TLX3: variants seen among roughly 807,000 people sequenced by gnomAD.
TLX3 encodes T-cell leukemia homeobox protein 3.
Under a neutral mutation model 19.6 loss-of-function variants are expected in TLX3, and 11 were observed. The observed-to-expected ratio is 0.56, with a 90% confidence interval of 0.35 to 0.93. The LOEUF (loss-of-function observed/expected upper bound fraction) is 0.93, where lower values mean the gene tolerates loss of function less well. Ranked by LOEUF, TLX3 falls within the 40% of genes least tolerant of loss-of-function variation. TLX3 has a pLI of 0.01. For synonymous variants in TLX3, 221 were observed against 188.1 expected (o/e 1.17, Z -1.43); for missense variants, 375 against 418.6 (o/e 0.90, Z 0.91).
Position 171,309,725 on chromosome 5 carries a change from T to G in TLX3, c.360T>G (p.Leu120=), listed in dbSNP as rs150863748. 6.5e-4 allele frequency: 1,045 copies of G among 1,611,076 alleles called. 7 individuals are homozygous for G. In the African/African-American group the frequency reaches 0.013, roughly 20 times the overall value. Residue 120 remains leucine, a synonymous_variant, in exon 1 of 3, where the codon CTT becomes CTG. Transcript: ENST00000296921. ...AMPSVPTVSS[L]GGLNFPWMES... is the part of the protein sequence containing the mutation. ...CCTCCGTGCCCACGGTCTCCAGCCT[T>G]GGCGGTCTCAATTTCCCCTGGATGG...
Position 171,309,398 on chromosome 5 carries a change from C to G in TLX3, c.33C>G (p.His11Gln), listed in dbSNP as rs761195958. The part of the protein sequence containing the change: MEAPASAQTP[H>Q]PHEPISFGID... Reference sequence around the variant, plus strand: ...CGCCCGCCAGCGCGCAGACCCCGCACCCGCACGAGCCCATCAGCTTCGGCA... The same window carrying G: ...CGCCCGCCAGCGCGCAGACCCCGCAGCCGCACGAGCCCATCAGCTTCGGCA... The change falls in exon 1 of 3, where the codon CAC becomes CAG. Residue 11 changes from histidine to glutamine, a missense_variant. By Grantham distance (24) the His-to-Gln change is conservative. Transcript: ENST00000296921. 3.7e-6 allele frequency: 6 copies of G among 1,604,850 alleles called. No homozygotes were observed. Among genetic ancestry groups the G allele is most frequent in the African/African-American group, 2.7e-5 (2 of 73,380 alleles).
chr5:171,310,268 G>A lies in TLX3; in HGVS notation c.540G>A (p.Glu180=), dbSNP rs769323522. ...RTSFSRVQIC[E]LEKRFHRQKY... is the part of the protein sequence containing the mutation. ...CCTTTTCCCGGGTGCAGATCTGCGA[G>A]CTGGAAAAGCGCTTCCATCGCCAGA... is the stretch of plus-strand genomic sequence containing the variant. The change falls in exon 2 of 3, where the codon GAG becomes GAA. Residue 180 remains glutamate (E), a synonymous_variant. Transcript: ENST00000296921. 1.6e-5 allele frequency: 26 copies of A among 1,581,596 alleles called. 1 individual carries two copies. In the South Asian group the frequency reaches 3.0e-4, roughly 18 times the overall value.
rs779386726 is a variant in TLX3, at chr5:171,309,569, G to T, written c.204G>T (p.Ala68=). The T allele has an allele frequency of 1.2e-5, 19 of 1,589,240 alleles. No individual in the cohort carries two copies. Among genetic ancestry groups the T allele is most frequent in the Non-Finnish European group, 1.5e-5 (18 of 1,169,262 alleles). Residue 68 remains alanine, a synonymous_variant, in exon 1 of 3, where the codon GCG becomes GCT. Coordinates refer to ENST00000296921, the MANE Select transcript of TLX3 (RefSeq NM_021025.4). ...CCGCCTCCTTTGCGGGCCTCGGCGCGCCCTTCGAGGACGCGGGATCTTACA... is the reference window on the plus strand; with the variant it reads ...CCGCCTCCTTTGCGGGCCTCGGCGCTCCCTTCGAGGACGCGGGATCTTACA... ...SLPASFAGLG[A]PFEDAGSYSV...
Position 171,311,695 on chromosome 5 carries a change from G to A in TLX3, c.*96G>A, listed in dbSNP as rs1329500360. On this transcript the variant is annotated 3_prime_UTR_variant, in exon 3 of 3. Coordinates refer to ENST00000296921, the MANE Select transcript of TLX3 (RefSeq NM_021025.4). The surrounding 1 kb of genome is among the most constrained non-coding windows in gnomAD (Gnocchi z 5.1). ...GGCTGCGGGGGAACCGGCGCCGAGAGGGGAAGGGGCCGCCTAGCCCGAGTA... is the reference window on the plus strand; with the variant it reads ...GGCTGCGGGGGAACCGGCGCCGAGAAGGGAAGGGGCCGCCTAGCCCGAGTA... 2 of 978,942 alleles carry A rather than the reference G, an allele frequency of 2.0e-6. No individual in the cohort carries two copies. Among genetic ancestry groups the A allele is most frequent in the Non-Finnish European group, 3.0e-6 (2 of 674,204 alleles). 60.6% of individuals were successfully genotyped at this position (978,942 alleles called of 1,614,324 possible).
In TLX3 at chr5:171,309,346, A is replaced by ACCCCC; in HGVS notation, c.-20_-19insCCCCC. ...GCCGCCTCCCCGCCCAGCCCAGCCC[A>ACCCCC]GCCCTTCCGCCCGCCCAGGATGGAG... On this transcript the variant is annotated 5_prime_UTR_variant, in exon 1 of 3. Transcript: ENST00000296921. 3.9e-6 allele frequency: 2 copies of ACCCCC among 511,156 alleles called. No homozygotes were observed. The highest frequency in any genetic ancestry group is 6.3e-6 in the Non-Finnish European group (2 of 318,498). 31.7% of individuals were successfully genotyped at this position (511,156 alleles called of 1,614,324 possible). A position where few individuals can be genotyped will look rare whatever the true frequency, so the allele number is the denominator to read the frequency against.
At chr5:171,310,418 C>T in intron 2 of TLX3, 25 bp downstream of exon 2, 1 of 1,608,420 alleles carries the variant, frequency 6.2e-7, no homozygotes, top group African/African-American at 1.3e-5. Flanking sequence ...ACCCGGCCCA[C>T]CTTACACCTG....
At position 171,312,022 on chromosome 5, in the gene TLX3, T is replaced by TGGGGGAAGTGCC. The variant is rs1769233717; in HGVS notation, c.*424_*435dup. 2.6e-5 allele frequency: 5 copies of TGGGGGAAGTGCC among 192,954 alleles called. No individual in the cohort carries two copies. In the South Asian group the frequency reaches 9.7e-4, roughly 37 times the overall value. The allele number at this position is 192,954 out of a possible 1,614,324, so 12.0% of individuals were successfully genotyped here. A position where few individuals can be genotyped will look rare whatever the true frequency, so the allele number is the denominator to read the frequency against. ...GAGGAAGGGCAGCCGACCCGGCCGCTGGGGGAAGTGCCAGGGGCCCGGGGC... is the reference window on the plus strand; with the variant it reads ...GAGGAAGGGCAGCCGACCCGGCCGCTGGGGGAAGTGCCGGGGGAAGTGCCAGGGGCCCGGGGC... On this transcript the variant is annotated 3_prime_UTR_variant, in exon 3 of 3. Coordinates refer to ENST00000296921, the MANE Select transcript of TLX3 (RefSeq NM_021025.4).
chr5:171,310,204 A>G lies in TLX3; in HGVS notation c.476A>G (p.Gln159Arg), dbSNP rs1581210663. 6.4e-7 allele frequency: 1 copy of G among 1,553,754 alleles called. No individual in the cohort carries two copies. Among genetic ancestry groups the G allele is most frequent in the Non-Finnish European group, 8.7e-7 (1 of 1,148,520 alleles). Residue 159 changes from glutamine (Q) to arginine (R), a missense_variant, in exon 2 of 3, where the codon CAG (glutamine) becomes CGG (arginine). Gln to Arg is a conservative substitution (Grantham distance 43). Around this residue, in one of 3 missense-constraint regions of TLX3, gnomAD observed 74 missense variants for 138.6 expected, o/e 0.53. Transcript: ENST00000296921. The part of the protein sequence containing the change: ...TVTRRIGHPY[Q>R]NRTPPKRKKP... ...ACCCGGCGCATCGGCCACCCCTACC[A>G]GAACCGGACGCCGCCCAAGCGTAAG...
chr5:171,310,812 C>T (rs915149746), intron 2 of TLX3, among the ~76,000 whole-genome samples: 1 of 151,310 alleles, frequency 6.6e-6, no homozygotes, highest in African/African-American at 2.4e-5. Context: ...CCCGCCCTCT[C>T]GGATTTTCAA....
chr5:171,311,729 G>C lies in TLX3; in HGVS notation c.*130G>C, dbSNP rs1218442853. 2.1e-5 allele frequency: 14 copies of C among 653,644 alleles called. No individual in the cohort carries two copies. The East Asian group carries it at 4.3e-4, about 20-fold the overall frequency. The allele number at this position is 653,644 out of a possible 1,614,324, so 40.5% of individuals were successfully genotyped here. ...GCCGCCTAGCCCGAGTAGGCCCCAG[G>C]GCGCGGCCACAGACTGGCGGGCCGC... On this transcript the variant is annotated 3_prime_UTR_variant, in exon 3 of 3. Transcript: ENST00000296921. This position sits in a 1 kb window ranked among gnomAD's most constrained non-coding sequence, Gnocchi z 5.1.
chr5:171,310,864 G>T (rs895931700), intron 2 of TLX3, among the ~76,000 whole-genome samples: 11 of 151,764 alleles, frequency 7.2e-5, no homozygotes, highest in African/African-American at 2.7e-4. Context: ...CCATCTCCGC[G>T]TCTCCATTCC....
intron 2 of TLX3, among the ~76,000 whole-genome samples, chr5:171,310,788 C>G (rs1029306968): frequency 2.4e-4 from 34 of 142,688 alleles, no homozygotes; most frequent in African/African-American, 8.7e-4. Flanking sequence ...CTCTCCTTCT[C>G]CTCCTTCTTC....
rs1581211118 is a variant in TLX3 at position 171,311,231 on chromosome 5, A to G, written c.666-158A>G. On this transcript the variant is annotated intron_variant, in intron 2 of 2. Transcript: ENST00000296921. This position sits in a 1 kb window ranked among gnomAD's most constrained non-coding sequence, Gnocchi z 5.1. ...AATGATCCTAACCGGCTCCCTGGAT[A>G]TAAGAGCCTCGGGCGTAAAGCGCGG... 1.3e-5 allele frequency among the ~76,000 whole-genome samples: 2 copies of G among 152,124 alleles called. No individual in the cohort carries two copies. The highest frequency in any genetic ancestry group is 3.9e-4 in the East Asian group (2 of 5,154).
chr5:171,310,021 T>G (rs2914335), intron 1 of TLX3, 129 bp from the exon 2 acceptor site: 1,413,659 of 1,415,720 alleles, frequency 1, 705,831 homozygotes, highest in Non-Finnish European at 1. Flanking sequence ...GCTTGGTGTC[T>G]CTGGAAACGC....
At position 171,309,650 on chromosome 5, in the gene TLX3, G is replaced by A. The variant is rs1353905184; in HGVS notation, c.285G>A (p.Pro95=). 2 of 1,607,184 alleles carry A rather than the reference G, an allele frequency of 1.2e-6. No individual in the cohort carries two copies. The highest frequency in any genetic ancestry group is 1.7e-6 in the Non-Finnish European group (2 of 1,177,762). The change falls in exon 1 of 3, where the codon CCG becomes CCA. Residue 95 remains proline, a synonymous_variant. Transcript: ENST00000296921. ...TGATCCGGGTGCCGGCGCACAGGCC[G>A]CTGCCCGGGGCCGTGCCACCGCCTC... ...AGVIRVPAHR[P]LPGAVPPPLP...
rs759375121 is a variant in TLX3 at position 171,310,310 on chromosome 5, C to A, written c.582C>A (p.Ala194=). Residue 194 remains alanine (A), a synonymous_variant, in exon 2 of 3, where the codon GCC becomes GCA. Coordinates refer to ENST00000296921, the MANE Select transcript of TLX3 (RefSeq NM_021025.4). ...ATCGCCAGAAGTACCTGGCCTCTGC[C>A]GAGAGGGCGGCGCTCGCCAAGTCCC... ...RFHRQKYLAS[A]ERAALAKSLK... The A allele has an allele frequency of 3.7e-6, 6 of 1,607,306 alleles. No homozygotes were observed. The Admixed American group carries it at 1.0e-4, about 27-fold the overall frequency.
Position 171,309,327 on chromosome 5 carries a change from T to TA in TLX3, c.-39_-38insA. The TA allele has an allele frequency of 1.9e-4, 185 of 976,580 alleles. No homozygotes were observed. Among genetic ancestry groups the TA allele is most frequent in the East Asian group, 3.4e-4 (12 of 35,708 alleles). 60.5% of individuals were successfully genotyped at this position (976,580 alleles called of 1,614,324 possible). A position where few individuals can be genotyped will look rare whatever the true frequency, so the allele number is the denominator to read the frequency against. On this transcript the variant is annotated 5_prime_UTR_variant, in exon 1 of 3. Transcript: ENST00000296921. ...GCGCCGTAACGGGGACCCAGCCGCCTCCCCGCCCAGCCCAGCCCAGCCCTT... is the reference window on the plus strand; with the variant it reads ...GCGCCGTAACGGGGACCCAGCCGCCTACCCCGCCCAGCCCAGCCCAGCCCTT...
At position 171,310,412 on chromosome 5, in the gene TLX3, G is replaced by A. The variant is rs772792144; in HGVS notation, c.665+19G>A. On this transcript the variant is annotated intron_variant, in intron 2 of 2. Coordinates refer to ENST00000296921, the MANE Select transcript of TLX3 (RefSeq NM_021025.4). ...AGTGGCGGTGAGAGAGGCCTGACCCGGCCCACCTTACACCTGCCCTTCACC... is the reference window on the plus strand; with the variant it reads ...AGTGGCGGTGAGAGAGGCCTGACCCAGCCCACCTTACACCTGCCCTTCACC... The A allele has an allele frequency of 1.2e-6, 2 of 1,610,478 alleles. No homozygotes were observed. The highest frequency in any genetic ancestry group is 8.5e-7 in the Non-Finnish European group (1 of 1,178,304).
rs1769216060 is a variant in TLX3 at position 171,311,298 on chromosome 5, G to C, written c.666-91G>C. The C allele has an allele frequency of 8.6e-7, 1 of 1,162,630 alleles. No individual in the cohort carries two copies. The highest frequency in any genetic ancestry group is 1.2e-6 in the Non-Finnish European group (1 of 839,692). The allele number at this position is 1,162,630 out of a possible 1,614,324, so 72.0% of individuals were successfully genotyped here. On this transcript the variant is annotated intron_variant, in intron 2 of 2. Transcript: ENST00000296921. This position sits in a 1 kb window ranked among gnomAD's most constrained non-coding sequence, Gnocchi z 5.1. Reference sequence around the variant, plus strand: ...GTTCTGCGCCTCGAGGCTCCCGGATGGCCTCGGCTCCCGGGAGGGCCGGGG... The same window carrying C: ...GTTCTGCGCCTCGAGGCTCCCGGATCGCCTCGGCTCCCGGGAGGGCCGGGG...
Sources: allele counts gnomAD v4.1 joint callset (sites outside exome capture counted in the v4.1 genomes callset), GRCh38; gene constraint gnomAD v4.1.1; regional missense constraint gnomAD v4.1.1; non-coding constraint Gnocchi (gnomAD v3.1); transcripts MANE v1.5; gene names NCBI Gene and HGNC (gene_info 2026-07-23, HGNC 2026-07-21).